Variants in RBFOX3 observed in about 807,000 individuals in gnomAD.
RBFOX3 encodes the protein RNA binding fox-1 homolog 3, also known as RNA binding protein fox-1 homolog 3.
In RBFOX3, 17 loss-of-function variants were observed where a neutral mutation model predicts 48.7. That is an observed-to-expected ratio of 0.35 (90% CI 0.24 to 0.52). The LOEUF is 0.52. Ranked by LOEUF, RBFOX3 falls within the 20% of genes least tolerant of loss-of-function variation. The pLI, the probability that RBFOX3 is intolerant of heterozygous loss-of-function variation, is 0.94. For missense variants in RBFOX3, 382 were observed against 497.5 expected (o/e 0.77, Z 2.21); for synonymous variants, 212 against 209.5 (o/e 1.01, Z -0.10).
At position 79,361,014 on chromosome 17, in the gene RBFOX3, T is replaced by C. The variant is rs1376245822; in HGVS notation, c.-174-53190A>G. Among the ~76,000 whole-genome samples, 2 of 152,088 alleles carry C rather than the reference T, an allele frequency of 1.3e-5. No individual in the cohort carries two copies. Among genetic ancestry groups the C allele is most frequent in the South Asian group, 2.1e-4 (1 of 4,820 alleles). On this transcript the variant is annotated intron_variant, in intron 2 of 14. Coordinates refer to ENST00000693108, the MANE Select transcript of RBFOX3 (RefSeq NM_001350451.2). The surrounding 1 kb of genome is among the most constrained non-coding windows in gnomAD (Gnocchi z 4.5). ...TTTCTGCTGAATGCCGCACCGTGCC[T>C]GGGAAGAACATCAGCTTTTGGAAAC...
In RBFOX3 at chr17:79,221,418, G is replaced by A. The variant is rs946209138; in HGVS notation, c.-34+14348C>T. On this transcript the variant is annotated intron_variant, in intron 4 of 14. Transcript: ENST00000693108. ...CGGGTGGCTGCGTGAGGTCTCATGT[G>A]CTGGCTCTGCTCTCATGCTTCCACT... Among the ~76,000 whole-genome samples the A allele has an allele frequency of 9.8e-5, 15 of 152,362 alleles. No individual in the cohort carries two copies. The East Asian group carries it at 2.9e-3, about 29-fold the overall frequency.
intron 4 of RBFOX3, among the ~76,000 whole-genome samples, chr17:79,186,542 G>T (rs2053442345): frequency 6.6e-6 from 1 of 152,200 alleles, no homozygotes; most frequent in Admixed American, 6.5e-5. Context: ...CTGGTGCCTT[G>T]TGGACTGGGG....
At chr17:79,466,692 G>A (rs1191543319) in intron 2 of RBFOX3, among the ~76,000 whole-genome samples, 2 of 152,226 alleles carry the variant, frequency 1.3e-5, no homozygotes, top group African/African-American at 2.4e-5. Context: ...CCAAGAGAAA[G>A]CGATTTTGCT....
At chr17:79,428,637 C>G (rs1265723429) in intron 2 of RBFOX3, among the ~76,000 whole-genome samples, 1 of 152,212 alleles carries the variant, frequency 6.6e-6, no homozygotes, top group Non-Finnish European at 1.5e-5. Flanking sequence ...ACGGACTGCT[C>G]TGATTTCACA....
Position 79,419,283 on chromosome 17 carries a change from C to G in RBFOX3, c.-175+63171G>C, listed in dbSNP as rs150563826. On this transcript the variant is annotated intron_variant, in intron 2 of 14. Coordinates refer to ENST00000693108, the MANE Select transcript of RBFOX3 (RefSeq NM_001350451.2). ...GGCCTCTCCCCATGTTGGGGTGCCA[C>G]CCACTGCTCTGTGCTCTCCTGTGCC... Among the ~76,000 whole-genome samples the G allele has an allele frequency of 2.5e-3, 388 of 152,316 alleles. 1 individual carries two copies. In the East Asian group the frequency reaches 0.04, roughly 16 times the overall value.
intron 2 of RBFOX3, among the ~76,000 whole-genome samples, chr17:79,446,801 G>A (rs2072407192): frequency 1.8e-5 from 2 of 112,950 alleles, no homozygotes; most frequent in Admixed American, 9.2e-5. Flanking sequence ...GCTGCACACG[G>A]CCCATGGGGC....
intron 1 of RBFOX3, among the ~76,000 whole-genome samples, chr17:79,606,723 C>T (rs1220015990): frequency 6.6e-6 from 1 of 152,126 alleles, no homozygotes; most frequent in Non-Finnish European, 1.5e-5. Context: ...GTCCCCAACC[C>T]AGAACAGGCC....
intron 1 of RBFOX3, among the ~76,000 whole-genome samples, chr17:79,569,779 G>T (rs959639497): frequency 2.0e-5 from 3 of 152,258 alleles, no homozygotes; most frequent in Non-Finnish European, 4.4e-5. Flanking sequence ...ATCGATGGAT[G>T]ATGGATAACA....
chr17:79,534,140 C>T (rs782063294), intron 1 of RBFOX3, among the ~76,000 whole-genome samples: 4 of 152,156 alleles, frequency 2.6e-5, no homozygotes, highest in African/African-American at 4.8e-5. Flanking sequence ...AATAAGAAAA[C>T]GCCCTTTGTA....
At chr17:79,406,367 C>T (rs1258413604) in intron 2 of RBFOX3, among the ~76,000 whole-genome samples, 3 of 152,160 alleles carry the variant, frequency 2.0e-5, no homozygotes, top group Non-Finnish European at 2.9e-5. Context: ...TCTGCCAGGT[C>T]GCTTCTCAGT....
chr17:79,642,817 C>T, the RBFOX3 span, among the ~76,000 whole-genome samples: 15 of 152,086 alleles, frequency 9.9e-5, no homozygotes, highest in East Asian at 1.9e-4. Flanking sequence ...TCAATAAGTA[C>T]GCAAAATACC....
chr17:79,101,408 C>A (rs966256888), intron 9 of RBFOX3, among the ~76,000 whole-genome samples, 176 bp downstream of exon 9: 6 of 152,202 alleles, frequency 3.9e-5, no homozygotes, highest in African/African-American at 9.7e-5. Context: ...CTCCTCCCGC[C>A]TCTTCTGCCC....
At chr17:79,552,764 T>C (rs977279268) in intron 1 of RBFOX3, among the ~76,000 whole-genome samples, 1 of 152,242 alleles carries the variant, frequency 6.6e-6, no homozygotes, top group African/African-American at 2.4e-5. Context: ...GTTAAGTTTA[T>C]TCCTAGATAT....
At chr17:79,164,568 G>A (rs773987719) in intron 4 of RBFOX3, among the ~76,000 whole-genome samples, 3 of 152,328 alleles carry the variant, frequency 2.0e-5, no homozygotes, top group African/African-American at 4.8e-5. Context: ...CAGTGAAAAC[G>A]GTGCCACTGG....
the RBFOX3 span, among the ~76,000 whole-genome samples, chr17:79,625,464 T>A: frequency 2.6e-5 from 4 of 152,188 alleles, no homozygotes; most frequent in East Asian, 7.7e-4. Flanking sequence ...ACTATCAACA[T>A]TTGGATGGAC....
At chr17:79,306,031 G>A (rs759144833) in intron 3 of RBFOX3, among the ~76,000 whole-genome samples, 18 of 152,246 alleles carry the variant, frequency 1.2e-4, no homozygotes, top group East Asian at 1.9e-4. Flanking sequence ...AAGCAGCAGC[G>A]TCTACAGTCT....
chr17:79,310,162 C>T (rs1332805475), intron 2 of RBFOX3, among the ~76,000 whole-genome samples: 2 of 152,192 alleles, frequency 1.3e-5, no homozygotes, highest in Non-Finnish European at 2.9e-5. Flanking sequence ...TATTTGCATT[C>T]CCTGCCCGCA....
intron 1 of RBFOX3, among the ~76,000 whole-genome samples, chr17:79,563,725 T>C (rs2144298609): frequency 6.6e-6 from 1 of 152,352 alleles, no homozygotes; most frequent in African/African-American, 2.4e-5. Flanking sequence ...AACCAATCCA[T>C]CTTCAGTGCC....
chr17:79,348,664 T>C (rs1303536475), intron 2 of RBFOX3, among the ~76,000 whole-genome samples: 3 of 126,830 alleles, frequency 2.4e-5, no homozygotes, highest in Non-Finnish European at 4.7e-5. Context: ...CACTGCAACC[T>C]CCGCCTCCTG....
Sources: allele counts gnomAD v4.1 joint callset (sites outside exome capture counted in the v4.1 genomes callset), GRCh38; gene constraint gnomAD v4.1.1; non-coding constraint Gnocchi (gnomAD v3.1); transcripts MANE v1.5; gene names NCBI Gene and HGNC (gene_info 2026-07-23, HGNC 2026-07-21).